Variants in GJD3 observed in about 807,000 individuals in gnomAD.
The protein encoded by GJD3 is gap junction delta-3 protein.
For synonymous variants in GJD3, 217 were observed against 226.7 expected (o/e 0.96, Z 0.38); for missense variants, 421 against 448.5 (o/e 0.94, Z 0.55).
chr17:40,362,440 TCA>T lies in GJD3; in HGVS notation c.*489_*490del, dbSNP rs1325439632. Among the ~76,000 whole-genome samples, 1 of 152,022 alleles carries T rather than the reference TCA, an allele frequency of 6.6e-6. No homozygotes were observed. The highest frequency in any genetic ancestry group is 1.5e-5 in the Non-Finnish European group (1 of 67,984). On this transcript the variant is annotated 3_prime_UTR_variant, in exon 1 of 1. Coordinates refer to ENST00000578689, the MANE Select transcript of GJD3 (RefSeq NM_152219.4). ...ACACATGCGCGCACATGCACAGCGC[TCA>T]CACAGGGTGTACAGGTGCGCGTGCA...
In GJD3 at chr17:40,363,209, G is replaced by T; in HGVS notation, c.607C>A (p.Leu203Met). ...FYFAVGLLSA[L>M]LSVAELGHLL... is the part of the protein sequence containing the mutation. ...TGGCCCAGCTCGGCTACGCTGAGCAGCGCCGACAGCAGCCCCACCGCGAAA... is the reference window on the plus strand; with the variant it reads ...TGGCCCAGCTCGGCTACGCTGAGCATCGCCGACAGCAGCCCCACCGCGAAA... Residue 203 changes from leucine to methionine, a missense_variant, in exon 1 of 1, where the codon CTG becomes ATG. By Grantham distance (15) the Leu-to-Met change is conservative. Coordinates refer to ENST00000578689, the MANE Select transcript of GJD3 (RefSeq NM_152219.4). This position sits in a 1 kb window ranked among gnomAD's most constrained non-coding sequence, Gnocchi z 5.5. The T allele has an allele frequency of 6.9e-7, 1 of 1,448,786 alleles. No individual in the cohort carries two copies. The highest frequency in any genetic ancestry group is 9.1e-7 in the Non-Finnish European group (1 of 1,099,558). 89.7% of individuals were successfully genotyped at this position (1,448,786 alleles called of 1,614,324 possible).
At position 40,361,275 on chromosome 17, in the gene GJD3, C is replaced by T; in HGVS notation, c.*1656G>A. 1 of 327,762 alleles carries T rather than the reference C, an allele frequency of 3.1e-6. No individual in the cohort carries two copies. The highest frequency in any genetic ancestry group is 2.2e-5 in the South Asian group (1 of 45,452). The allele number at this position is 327,762 out of a possible 1,614,324, so 20.3% of individuals were successfully genotyped here. ...AGAGAAAATTCCCTATGGTTCTGAG[C>T]ACACCTGGAAGCCGGTGCTGTGGAG... On this transcript the variant is annotated 3_prime_UTR_variant, in exon 1 of 1. Coordinates refer to ENST00000578689, the MANE Select transcript of GJD3 (RefSeq NM_152219.4).
At position 40,363,164 on chromosome 17, in the gene GJD3, G is replaced by C; in HGVS notation, c.652C>G (p.Pro218Ala). Residue 218 changes from proline (P) to alanine (A), a missense_variant, in exon 1 of 1, where the codon CCG becomes GCG. Transcript: ENST00000578689. This position sits in a 1 kb window ranked among gnomAD's most constrained non-coding sequence, Gnocchi z 5.5. ...ELGHLLWKGRPRAGERDNRCN... is the reference protein window; with the variant it reads ...ELGHLLWKGRARAGERDNRCN... Reference sequence around the variant, plus strand: ...CGGTTGTCACGCTCCCCGGCGCGCGGGCGGCCCTTCCAGAGCAGGTGGCCC... The same window carrying C: ...CGGTTGTCACGCTCCCCGGCGCGCGCGCGGCCCTTCCAGAGCAGGTGGCCC... The C allele has an allele frequency of 1.5e-5, 22 of 1,423,822 alleles. No homozygotes were observed. Among genetic ancestry groups the C allele is most frequent in the Non-Finnish European group, 2.0e-5 (22 of 1,086,338 alleles). The allele number at this position is 1,423,822 out of a possible 1,614,324, so 88.2% of individuals were successfully genotyped here.
Position 40,363,613 on chromosome 17 carries a change from C to T in GJD3, c.203G>A (p.Arg68His). The T allele has an allele frequency of 1.2e-6, 2 of 1,602,760 alleles. No individual in the cohort carries two copies. Among genetic ancestry groups the T allele is most frequent in the South Asian group, 1.1e-5 (1 of 89,374 alleles). ...GCGGTAGTGGGAGACCGGGAAGGCG[C>T]GGTCGTAGCAGGTCTGGCGACAGCC... is the stretch of plus-strand genomic sequence containing the variant. ...QPGCRQTCYD[R>H]AFPVSHYRFW... The change falls in exon 1 of 1, where the codon CGC (arginine) becomes CAC (histidine). Residue 68 changes from arginine (R) to histidine (H), a missense_variant. Physicochemically the swap from Arg to His is conservative, Grantham distance 29. Coordinates refer to ENST00000578689, the MANE Select transcript of GJD3 (RefSeq NM_152219.4). The surrounding 1 kb of genome is among the most constrained non-coding windows in gnomAD (Gnocchi z 5.5).
At position 40,362,579 on chromosome 17, in the gene GJD3, T is replaced by G. The variant is rs1326123007; in HGVS notation, c.*352A>C. Among the ~76,000 whole-genome samples, 1 of 152,174 alleles carries G rather than the reference T, an allele frequency of 6.6e-6. No individual in the cohort carries two copies. The highest frequency in any genetic ancestry group is 1.5e-5 in the Non-Finnish European group (1 of 68,004). On this transcript the variant is annotated 3_prime_UTR_variant, in exon 1 of 1. Transcript: ENST00000578689. ...CCTGAGAATGCTGGCATCACAGTTG[T>G]TTTTGTCCCCAGTAAAACAACCACT...
In GJD3 at chr17:40,361,965, T is replaced by C. The variant is rs1428170066; in HGVS notation, c.*966A>G. Among the ~76,000 whole-genome samples, 1 of 147,880 alleles carries C rather than the reference T, an allele frequency of 6.8e-6. No homozygotes were observed. Among genetic ancestry groups the C allele is most frequent in the East Asian group, 2.0e-4 (1 of 4,896 alleles). ...GATGTTGCTCATAGGCTCCCGAGGA[T>C]TGAGGCCTGCCCGGGGAAAGGGAGC... On this transcript the variant is annotated 3_prime_UTR_variant, in exon 1 of 1. Transcript: ENST00000578689.
chr17:40,363,378 G>T lies in GJD3; in HGVS notation c.438C>A (p.Ala146=), dbSNP rs1269246464. ...CCTGGCCGCCCAGGAAGGTCAGCTC[G>T]GCCAGCAGGCGCAGCGCCACGCTCA... ...YLLSVALRLL[A]ELTFLGGQAL... Residue 146 remains alanine (A), a synonymous_variant, in exon 1 of 1, where the codon GCC becomes GCA. Transcript: ENST00000578689. This position sits in a 1 kb window ranked among gnomAD's most constrained non-coding sequence, Gnocchi z 5.5. The T allele has an allele frequency of 6.4e-6, 9 of 1,398,618 alleles. No homozygotes were observed. In the African/African-American group the frequency reaches 1.4e-4, roughly 21 times the overall value. The allele number at this position is 1,398,618 out of a possible 1,614,324, so 86.6% of individuals were successfully genotyped here. A position where few individuals can be genotyped will look rare whatever the true frequency, so the allele number is the denominator to read the frequency against.
rs574061081 is a variant in GJD3, at chr17:40,360,972, C to A, written c.*1959G>T. ...CAGTTTCTCATCCAACACATATTTACTGAGCACATACTACGTGCCATGGAA... is the reference window on the plus strand; with the variant it reads ...CAGTTTCTCATCCAACACATATTTAATGAGCACATACTACGTGCCATGGAA... On this transcript the variant is annotated 3_prime_UTR_variant, in exon 1 of 1. Transcript: ENST00000578689. The A allele has an allele frequency of 1.3e-5, 6 of 456,472 alleles. No homozygotes were observed. Among genetic ancestry groups the A allele is most frequent in the African/African-American group, 1.2e-4 (6 of 50,178 alleles). 28.3% of individuals were successfully genotyped at this position (456,472 alleles called of 1,614,324 possible).
rs1311960324 is a variant in GJD3 at position 40,362,550 on chromosome 17, A to T, written c.*381T>A. ...GACCACTCTCTCTCTGAACACAGAGAGTGCCTGAGAATGCTGGCATCACAG... is the reference window on the plus strand; with the variant it reads ...GACCACTCTCTCTCTGAACACAGAGTGTGCCTGAGAATGCTGGCATCACAG... On this transcript the variant is annotated 3_prime_UTR_variant, in exon 1 of 1. Transcript: ENST00000578689. Among the ~76,000 whole-genome samples, 1 of 152,154 alleles carries T rather than the reference A, an allele frequency of 6.6e-6. No individual in the cohort carries two copies. The highest frequency in any genetic ancestry group is 1.5e-5 in the Non-Finnish European group (1 of 67,994).
Position 40,363,055 on chromosome 17 carries a change from C to A in GJD3, c.761G>T (p.Arg254Leu), listed in dbSNP as rs1355550494. ...PPPPPALPSRRPGPEPCAPPA... is the reference protein window; with the variant it reads ...PPPPPALPSRLPGPEPCAPPA... ...CGGGGCGCACGGCTCGGGGCCGGGG[C>A]GCCGGGAGGGCAGGGCCGGTGGCGG... Residue 254 changes from arginine to leucine, a missense_variant, in exon 1 of 1, where the codon CGC becomes CTC. Transcript: ENST00000578689. The surrounding 1 kb of genome is among the most constrained non-coding windows in gnomAD (Gnocchi z 5.5). 1 of 1,229,464 alleles carries A rather than the reference C, an allele frequency of 8.1e-7. No individual in the cohort carries two copies. The highest frequency in any genetic ancestry group is 4.3e-5 in the Admixed American group (1 of 23,106). The allele number at this position is 1,229,464 out of a possible 1,614,324, so 76.2% of individuals were successfully genotyped here.
Position 40,363,284 on chromosome 17 carries a change from C to T in GJD3, c.532G>A (p.Asp178Asn). The change falls in exon 1 of 1, where the codon GAC becomes AAC. Residue 178 changes from aspartate to asparagine, a missense_variant. By Grantham distance (23) the Asp-to-Asn change is conservative. Transcript: ENST00000578689. This position sits in a 1 kb window ranked among gnomAD's most constrained non-coding sequence, Gnocchi z 5.5. The part of the protein sequence containing the change: ...CAGPPCPHTV[D>N]CFVSRPTEKT... The stretch of plus-strand genomic sequence containing the variant: ...TCGGTGGGCCGGCTCACGAAGCAGT[C>T]GACCGTGTGCGGGCAGGGCGGACCG... 2 of 1,414,234 alleles carry T rather than the reference C, an allele frequency of 1.4e-6. No individual in the cohort carries two copies. Among genetic ancestry groups the T allele is most frequent in the Middle Eastern group, 1.8e-4 (1 of 5,514 alleles). The allele number at this position is 1,414,234 out of a possible 1,614,324, so 87.6% of individuals were successfully genotyped here. A position where few individuals can be genotyped will look rare whatever the true frequency, so the allele number is the denominator to read the frequency against.
Position 40,362,459 on chromosome 17 carries a change from G to C in GJD3, c.*472C>G, listed in dbSNP as rs943454152. On this transcript the variant is annotated 3_prime_UTR_variant, in exon 1 of 1. Coordinates refer to ENST00000578689, the MANE Select transcript of GJD3 (RefSeq NM_152219.4). The stretch of plus-strand genomic sequence containing the variant: ...CAGCGCTCACACAGGGTGTACAGGT[G>C]CGCGTGCACACAGCTCACAGTGCTT... Among the ~76,000 whole-genome samples the C allele has an allele frequency of 2.0e-5, 3 of 151,702 alleles. No individual in the cohort carries two copies. The highest frequency in any genetic ancestry group is 7.3e-5 in the African/African-American group (3 of 41,268).
chr17:40,364,082 C>T lies in GJD3; in HGVS notation c.-267G>A, dbSNP rs554352936. On this transcript the variant is annotated 5_prime_UTR_variant, in exon 1 of 1. Coordinates refer to ENST00000578689, the MANE Select transcript of GJD3 (RefSeq NM_152219.4). ...GAGGATCCCCCATTTGCATTTTAGC[C>T]GCACCCCCTGAGCCGTCTCCGTTCG... 1.5e-3 allele frequency: 644 copies of T among 437,204 alleles called. 1 individual carries two copies. Among genetic ancestry groups the T allele is most frequent in the Non-Finnish European group, 2.3e-3 (545 of 234,620 alleles). The allele number at this position is 437,204 out of a possible 1,614,324, so 27.1% of individuals were successfully genotyped here.
Position 40,362,935 on chromosome 17 carries a change from A to G in GJD3, c.881T>C (p.Ile294Thr). 1 of 1,236,498 alleles carries G rather than the reference A, an allele frequency of 8.1e-7. No homozygotes were observed. The highest frequency in any genetic ancestry group is 1.0e-6 in the Non-Finnish European group (1 of 987,494). 76.6% of individuals were successfully genotyped at this position (1,236,498 alleles called of 1,614,324 possible). A position where few individuals can be genotyped will look rare whatever the true frequency, so the allele number is the denominator to read the frequency against. Residue 294 changes from isoleucine (I) to threonine (T), a missense_variant, in exon 1 of 1, where the codon ATC (isoleucine) becomes ACC (threonine). Coordinates refer to ENST00000578689, the MANE Select transcript of GJD3 (RefSeq NM_152219.4). The part of the protein sequence containing the change: ...SPATGRRDLA[I>T] ...CGCGCGAGGCGGTGCCCGCCCCTAG[A>G]TGGCCAGATCTCGGCGGCCGGTGGC...
rs566645628 is a variant in GJD3 at position 40,361,623 on chromosome 17, G to A, written c.*1308C>T. On this transcript the variant is annotated 3_prime_UTR_variant, in exon 1 of 1. Transcript: ENST00000578689. Reference sequence around the variant, plus strand: ...AGAGCAGCCCACTGGCTGGTGAAGGGGGAGGGCAGACGGGAGGGGAGACAC... The same window carrying A: ...AGAGCAGCCCACTGGCTGGTGAAGGAGGAGGGCAGACGGGAGGGGAGACAC... Among the ~76,000 whole-genome samples the A allele has an allele frequency of 6.6e-6, 1 of 152,324 alleles. No individual in the cohort carries two copies. The highest frequency in any genetic ancestry group is 2.4e-5 in the African/African-American group (1 of 41,568).
At position 40,361,354 on chromosome 17, in the gene GJD3, A is replaced by T. The variant is rs1454833961; in HGVS notation, c.*1577T>A. ...GAAGGAAGCTTTGTGAAGGCGCTTG[A>T]CTCACCCTGAGGGCAGGGGTGCTGC... is the stretch of plus-strand genomic sequence containing the variant. On this transcript the variant is annotated 3_prime_UTR_variant, in exon 1 of 1. Transcript: ENST00000578689. 6.6e-6 allele frequency among the ~76,000 whole-genome samples: 1 copy of T among 151,948 alleles called. No homozygotes were observed. Among genetic ancestry groups the T allele is most frequent in the Admixed American group, 6.6e-5 (1 of 15,260 alleles).
chr17:40,361,753 G>C lies in GJD3; in HGVS notation c.*1178C>G, dbSNP rs1231761108. On this transcript the variant is annotated 3_prime_UTR_variant, in exon 1 of 1. Transcript: ENST00000578689. ...AGGGCCGGGAGCGCGTGTGTTTTGG[G>C]AGCTTTCTCCTGAGGACAGAAGGGA... Among the ~76,000 whole-genome samples, 1 of 152,158 alleles carries C rather than the reference G, an allele frequency of 6.6e-6. No individual in the cohort carries two copies. The highest frequency in any genetic ancestry group is 1.5e-5 in the Non-Finnish European group (1 of 68,016).
In GJD3 at chr17:40,362,960, C is replaced by A. The variant is rs985269837; in HGVS notation, c.856G>T (p.Ala286Ser). The A allele has an allele frequency of 1.6e-6, 2 of 1,244,286 alleles. No individual in the cohort carries two copies. The highest frequency in any genetic ancestry group is 2.0e-6 in the Non-Finnish European group (2 of 991,834). 77.1% of individuals were successfully genotyped at this position (1,244,286 alleles called of 1,614,324 possible). ...CGSGRGKASPATGRRDLAI is the reference protein window; with the variant it reads ...CGSGRGKASPSTGRRDLAI ...ATGGCCAGATCTCGGCGGCCGGTGG[C>A]CGGTGACGCCTTGCCGCGGCCGCTG... is the stretch of plus-strand genomic sequence containing the variant. Residue 286 changes from alanine to serine, a missense_variant, in exon 1 of 1, where the codon GCC becomes TCC. Ala to Ser is a moderately conservative substitution (Grantham distance 99). Transcript: ENST00000578689.
rs1425331721 is a variant in GJD3 at position 40,361,973 on chromosome 17, T to A, written c.*958A>T. Among the ~76,000 whole-genome samples the A allele has an allele frequency of 6.7e-6, 1 of 149,822 alleles. No individual in the cohort carries two copies. The highest frequency in any genetic ancestry group is 1.5e-5 in the Non-Finnish European group (1 of 67,516). ...TCATAGGCTCCCGAGGATTGAGGCCTGCCCGGGGAAAGGGAGCCTCTCCTC... is the reference window on the plus strand; with the variant it reads ...TCATAGGCTCCCGAGGATTGAGGCCAGCCCGGGGAAAGGGAGCCTCTCCTC... On this transcript the variant is annotated 3_prime_UTR_variant, in exon 1 of 1. Coordinates refer to ENST00000578689, the MANE Select transcript of GJD3 (RefSeq NM_152219.4).
Sources: allele counts gnomAD v4.1 joint callset (sites outside exome capture counted in the v4.1 genomes callset), GRCh38; gene constraint gnomAD v4.1.1; non-coding constraint Gnocchi (gnomAD v3.1); transcripts MANE v1.5; gene names NCBI Gene and HGNC (gene_info 2026-07-23, HGNC 2026-07-21).